The following KMT5B variants were observed in gnomAD, a reference collection of about 807,000 sequenced individuals.
KMT5B encodes the protein histone-lysine N-methyltransferase KMT5B.
In KMT5B, 10 loss-of-function variants were observed where a neutral mutation model predicts 83.2. The ratio of observed to expected loss-of-function variants is 0.12; its 90% CI spans 0.07 to 0.20. The LOEUF (loss-of-function observed/expected upper bound fraction) is 0.20. KMT5B is among the 10% of genes least tolerant of loss of function. The pLI, the probability that KMT5B is intolerant of heterozygous loss-of-function variation, is 1.00. For missense variants in KMT5B, 753 were observed against 1,067.2 expected, an observed-to-expected ratio of 0.71 and a Z score of 4.10; for synonymous variants, 349 against 388.8, an observed-to-expected ratio of 0.90 and a Z score of 1.20.
At position 68,166,505 on chromosome 11, in the gene KMT5B, C is replaced by T. The variant is rs918910345; in HGVS notation, c.1174+477G>A. 18 of 1,002,080 alleles carry T rather than the reference C, an allele frequency of 1.8e-5. No homozygotes were observed. In the African/African-American group the frequency reaches 2.6e-4, roughly 15 times the overall value. 62.1% of individuals were successfully genotyped at this position (1,002,080 alleles called of 1,614,324 possible). On this transcript the variant is annotated intron_variant, in intron 10 of 10. Coordinates refer to ENST00000304363, the MANE Select transcript of KMT5B (RefSeq NM_017635.5). ...GGTGGTCTGCTGAACTGAGTCAGTT[C>T]GTTTTGAAAAAGGTCAGCAAGCAAT...
chr11:68,206,334 G>A (rs1310885828), intron 1 of KMT5B, among the ~76,000 whole-genome samples: 1 of 152,202 alleles, frequency 6.6e-6, no homozygotes, highest in East Asian at 1.9e-4. Context: ...ATGACTGTAA[G>A]TACAGCCTTT....
chr11:68,183,757 T>C (rs1195894431), intron 3 of KMT5B, among the ~76,000 whole-genome samples: 1 of 151,772 alleles, frequency 6.6e-6, no homozygotes, highest in African/African-American at 2.4e-5. Context: ...TCTCCCGGGT[T>C]CACGTGATTC....
chr11:68,175,852 G>A (rs1856313053), intron 4 of KMT5B, among the ~76,000 whole-genome samples: 1 of 151,816 alleles, frequency 6.6e-6, no homozygotes, highest in African/African-American at 2.4e-5. Flanking sequence ...AGTACAAGCA[G>A]TGTTAACTCT....
chr11:68,178,084 GC>G (rs1565232587), intron 4 of KMT5B, among the ~76,000 whole-genome samples: 1 of 152,218 alleles, frequency 6.6e-6, no homozygotes, highest in African/African-American at 2.4e-5. Flanking sequence ...AATCAGAAAA[GC>G]AATAGTTCAC....
chr11:68,202,857 G>A (rs1859629566), intron 1 of KMT5B, among the ~76,000 whole-genome samples: 1 of 151,474 alleles, frequency 6.6e-6, no homozygotes, highest in Admixed American at 6.6e-5. Context: ...TTATTTCCAT[G>A]TTTTGGCCGA....
chr11:68,189,224 T>C (rs559024449), intron 2 of KMT5B, among the ~76,000 whole-genome samples: 10 of 152,364 alleles, frequency 6.6e-5, no homozygotes, highest in South Asian at 4.1e-4. Flanking sequence ...GACATACGTT[T>C]GGACATATAG....
intron 4 of KMT5B, among the ~76,000 whole-genome samples, chr11:68,178,831 A>G (rs765667612): frequency 1.8e-4 from 28 of 152,182 alleles, no homozygotes; most frequent in Non-Finnish European, 3.5e-4. Context: ...ATTATTGAAC[A>G]GAAAAATACC....
rs1241505065 is a variant in KMT5B, at chr11:68,159,012, G to T, written c.1334C>A (p.Ala445Glu). The T allele has an allele frequency of 6.2e-7, 1 of 1,612,760 alleles. No homozygotes were observed. Among genetic ancestry groups the T allele is most frequent in the South Asian group, 1.1e-5 (1 of 90,634 alleles). The part of the protein sequence containing the change: ...SRVPKKLKKP[A>E]KPLLSKIKLR... ...TTTTATCTTTGAAAGTAAAGGCTTT[G>T]CAGGCTTCTTCAGTTTCTTTGGTAC... The change falls in exon 11 of 11, where the codon GCA (alanine) becomes GAA (glutamate). Residue 445 changes from alanine (A) to glutamate (E), a missense_variant. By Grantham distance (107) the Ala-to-Glu change is moderately radical. Coordinates refer to ENST00000304363, the MANE Select transcript of KMT5B (RefSeq NM_017635.5).
At chr11:68,165,752 G>A in intron 10 of KMT5B, 1 of 1,464,750 alleles carries the variant, frequency 6.8e-7, no homozygotes, top group Non-Finnish European at 9.0e-7. Context: ...AGAATCAACA[G>A]TCAACAGTTA....
chr11:68,178,568 G>C (rs923979262), intron 4 of KMT5B, among the ~76,000 whole-genome samples: 2 of 152,136 alleles, frequency 1.3e-5, no homozygotes, highest in African/African-American at 4.8e-5. Flanking sequence ...AAAACTTACT[G>C]TCACAGTTGG....
Position 68,171,225 on chromosome 11 carries a change from T to C in KMT5B, c.840+7A>G, listed in dbSNP as rs1565225742. On this transcript the variant is annotated splice_region_variant and intron_variant, in intron 8 of 10. Coordinates refer to ENST00000304363, the MANE Select transcript of KMT5B (RefSeq NM_017635.5). The surrounding 1 kb of genome is among the most constrained non-coding windows in gnomAD (Gnocchi z 5.1). ...AAATACTTGAAGAAAATTTTTTTAA[T>C]GCTTACCTTACAATTAGGTCTGCAA... The C allele has an allele frequency of 3.7e-6, 6 of 1,605,908 alleles. No homozygotes were observed. The highest frequency in any genetic ancestry group is 4.2e-6 in the Non-Finnish European group (5 of 1,178,292).
At chr11:68,183,770 C>T (rs756911667) in intron 3 of KMT5B, among the ~76,000 whole-genome samples, 1 of 151,734 alleles carries the variant, frequency 6.6e-6, no homozygotes, top group Non-Finnish European at 1.5e-5. Flanking sequence ...CGTGATTCTC[C>T]TGCCTCAGCC....
chr11:68,192,006 T>C (rs557500724), intron 1 of KMT5B, among the ~76,000 whole-genome samples: 8 of 152,326 alleles, frequency 5.3e-5, no homozygotes, highest in South Asian at 4.1e-4. Flanking sequence ...ACAAATAATA[T>C]TGTGTTACCA....
chr11:68,204,937 G>A (rs567458841), intron 1 of KMT5B, among the ~76,000 whole-genome samples: 12 of 152,054 alleles, frequency 7.9e-5, no homozygotes, highest in African/African-American at 2.7e-4. Context: ...GTTTTAAGCC[G>A]CTAAGTTTAT....
At chr11:68,186,665 G>T (rs538592799) in intron 2 of KMT5B, among the ~76,000 whole-genome samples, 26 of 152,348 alleles carry the variant, frequency 1.7e-4, no homozygotes, top group African/African-American at 6.3e-4. Context: ...GGCCAAGTTT[G>T]TAAGAAGTTT....
At chr11:68,207,438 T>C (rs1860271747) in intron 1 of KMT5B, among the ~76,000 whole-genome samples, 1 of 151,790 alleles carries the variant, frequency 6.6e-6, no homozygotes, top group South Asian at 2.1e-4. Context: ...ACTCAGAGAA[T>C]TAGAAAAAAA....
At chr11:68,168,406 G>A (rs1855525022) in intron 9 of KMT5B, among the ~76,000 whole-genome samples, 2 of 151,362 alleles carry the variant, frequency 1.3e-5, no homozygotes, top group South Asian at 4.2e-4. Flanking sequence ...TGCGATCTTG[G>A]CTCACTGCAA....
At chr11:68,197,826 T>C (rs1858905981) in intron 1 of KMT5B, among the ~76,000 whole-genome samples, 1 of 152,244 alleles carries the variant, frequency 6.6e-6, no homozygotes, top group South Asian at 2.1e-4. Context: ...CACAGGTCCA[T>C]ATGATAAAAG....
At position 68,158,524 on chromosome 11, in the gene KMT5B, C is replaced by T. The variant is rs776905134; in HGVS notation, c.1822G>A (p.Gly608Ser). 2 of 1,614,182 alleles carry T rather than the reference C, an allele frequency of 1.2e-6. No individual in the cohort carries two copies. The highest frequency in any genetic ancestry group is 2.2e-5 in the East Asian group (1 of 44,890). Reference protein sequence around the residue: ...GEAKCHKSDTGMSKKKSRQGK... With the variant: ...GEAKCHKSDTSMSKKKSRQGK... Reference sequence around the variant, plus strand: ...TGTCGTGACTTCTTTTTGGACATGCCTGTGTCACTCTTATGACACTTTGCC... The same window carrying T: ...TGTCGTGACTTCTTTTTGGACATGCTTGTGTCACTCTTATGACACTTTGCC... Residue 608 changes from glycine to serine, a missense_variant, in exon 11 of 11, where the codon GGC becomes AGC. Gly to Ser is a moderately conservative substitution (Grantham distance 56). Around this residue, in one of 9 missense-constraint regions of KMT5B, gnomAD observed 397 missense variants for 395.9 expected, o/e 1.00. Coordinates refer to ENST00000304363, the MANE Select transcript of KMT5B (RefSeq NM_017635.5).
Sources: gnomAD v4.1 joint callset for allele counts (sites outside exome capture counted in the v4.1 genomes callset) on GRCh38, gnomAD v4.1.1 for gene constraint, gnomAD v4.1.1 regional missense constraint, Gnocchi (gnomAD v3.1) non-coding constraint, MANE v1.5 for transcripts, NCBI Gene and HGNC (gene_info 2026-07-23, HGNC 2026-07-21) for gene names.